The following METTL15 variants were observed in gnomAD, a reference collection of about 807,000 sequenced individuals.
The protein encoded by METTL15 is methyltransferase 15, mitochondrial 12S rRNA N4-cytidine.
Under a neutral mutation model 38.3 loss-of-function variants are expected in METTL15, and 34 were observed. The observed-to-expected ratio is 0.89, with a 90% confidence interval of 0.68 to 1.18. The LOEUF (loss-of-function observed/expected upper bound fraction) is 1.18, where lower values mean the gene tolerates loss of function less well. METTL15 is among the 50% of genes most tolerant of loss of function. The pLI, the probability that METTL15 is intolerant of heterozygous loss-of-function variation, is 0.00. For missense variants in METTL15, 438 were observed against 498.4 expected, an observed-to-expected ratio of 0.88 and a Z score of 1.15; for synonymous variants, 162 against 170.9, an observed-to-expected ratio of 0.95 and a Z score of 0.41.
At chr11:28,219,780 C>G (rs1217949068) in intron 4 of METTL15, among the ~76,000 whole-genome samples, 2 of 152,104 alleles carry the variant, frequency 1.3e-5, no homozygotes, top group African/African-American at 4.8e-5. Context: ...TCGTTGGTTT[C>G]AAAGAACATC....
At chr11:28,185,374 C>G (rs1216644349) in intron 3 of METTL15, among the ~76,000 whole-genome samples, 1 of 151,282 alleles carries the variant, frequency 6.6e-6, no homozygotes, top group Admixed American at 6.6e-5. Context: ...AAAGCTTGGG[C>G]AAATTGCTTG....
intron 5 of METTL15, among the ~76,000 whole-genome samples, chr11:28,421,392 A>G (rs989119960): frequency 1.3e-5 from 2 of 151,836 alleles, no homozygotes; most frequent in African/African-American, 4.8e-5. Context: ...CTACCAAAAC[A>G]AAAGACACAC....
intron 3 of METTL15, among the ~76,000 whole-genome samples, chr11:28,179,104 G>A (rs929633317): frequency 6.6e-6 from 1 of 151,764 alleles, no homozygotes; most frequent in Non-Finnish European, 1.5e-5. Context: ...ACACACCTGT[G>A]TGCACACATG....
intron 6 of METTL15, among the ~76,000 whole-genome samples, chr11:28,429,656 G>C (rs61890892): frequency 0.34 from 14,154 of 41,968 alleles, 2,158 homozygotes; most frequent in Admixed American, 0.44. Context: ...CGTTCACTCA[G>C]TGCTCAATGG....
intron 4 of METTL15, among the ~76,000 whole-genome samples, chr11:28,255,745 C>T (rs1854946281): frequency 6.6e-6 from 1 of 152,106 alleles, no homozygotes; most frequent in Non-Finnish European, 1.5e-5. Flanking sequence ...CTCTTGTTGC[C>T]CAGGCTGGAG....
chr11:28,279,249 A>ACATC (rs1359663390), intron 4 of METTL15, among the ~76,000 whole-genome samples: 1 of 152,104 alleles, frequency 6.6e-6, no homozygotes, highest in Non-Finnish European at 1.5e-5. Context: ...TATTTGCATG[A>ACATC]CATCTATTTC....
At chr11:28,373,842 A>G (rs1438225258) in intron 5 of METTL15, among the ~76,000 whole-genome samples, 3 of 152,108 alleles carry the variant, frequency 2.0e-5, no homozygotes, top group Admixed American at 1.3e-4. Context: ...CGATTTTTGT[A>G]TAAGGTGTAA....
intron 3 of METTL15, among the ~76,000 whole-genome samples, chr11:28,141,457 A>AGGATTG (rs1006896625): frequency 6.6e-6 from 1 of 152,130 alleles, no homozygotes; most frequent in Non-Finnish European, 1.5e-5. Flanking sequence ...CAGAGGCAGG[A>AGGATTG]GGATTGCTTA....
chr11:28,273,193 T>C (rs1855713558), intron 4 of METTL15, among the ~76,000 whole-genome samples: 1 of 152,136 alleles, frequency 6.6e-6, no homozygotes, highest in African/African-American at 2.4e-5. Context: ...ACCTGACACA[T>C]AGAAGTATTC....
intron 4 of METTL15, among the ~76,000 whole-genome samples, chr11:28,227,460 A>ATTGT (rs1853528031): frequency 6.6e-6 from 1 of 151,830 alleles, no homozygotes; most frequent in Non-Finnish European, 1.5e-5. Flanking sequence ...AAGATCAATG[A>ATTGT]TAGTTAGCTG....
chr11:28,111,426 C>T (rs1197539070), intron 2 of METTL15, among the ~76,000 whole-genome samples: 1 of 152,168 alleles, frequency 6.6e-6, no homozygotes, highest in Non-Finnish European at 1.5e-5. Flanking sequence ...ACGTTCATTA[C>T]TGGGAACCCC....
At chr11:28,417,977 C>A (rs1850787690) in intron 5 of METTL15, among the ~76,000 whole-genome samples, 1 of 152,108 alleles carries the variant, frequency 6.6e-6, no homozygotes, top group Non-Finnish European at 1.5e-5. Flanking sequence ...ATGACTCAAT[C>A]ATAAATTATT....
chr11:28,405,511 C>T (rs1850666033), intron 5 of METTL15, among the ~76,000 whole-genome samples: 1 of 151,084 alleles, frequency 6.6e-6, no homozygotes, highest in Non-Finnish European at 1.5e-5. Context: ...TTACTTAGTG[C>T]ACAGAAGTTT....
intron 6 of METTL15, among the ~76,000 whole-genome samples, chr11:28,324,364 T>C (rs2134052491): frequency 6.6e-6 from 1 of 152,202 alleles, no homozygotes; most frequent in East Asian, 1.9e-4. Flanking sequence ...GCAAAAGAAA[T>C]ATGCAAAACC....
intron 5 of METTL15, among the ~76,000 whole-genome samples, chr11:28,293,585 C>T (rs942659719): frequency 3.9e-5 from 6 of 152,020 alleles, no homozygotes; most frequent in African/African-American, 1.4e-4. Flanking sequence ...TTTTCCAATT[C>T]TGTGAAGAAA....
At chr11:28,485,213 A>T (rs1377743076) in intron 6 of METTL15, among the ~76,000 whole-genome samples, 1 of 150,826 alleles carries the variant, frequency 6.6e-6, no homozygotes, top group Non-Finnish European at 1.5e-5. Context: ...AGTAAGACTA[A>T]CTGTGTCTAA....
chr11:28,214,091 G>A (rs1852762540), intron 4 of METTL15, among the ~76,000 whole-genome samples: 2 of 152,092 alleles, frequency 1.3e-5, no homozygotes, highest in African/African-American at 4.8e-5. Context: ...TGCCCAGGCT[G>A]GAGTGCAGTG....
chr11:28,423,158 T>G (rs540580876), intron 5 of METTL15, among the ~76,000 whole-genome samples: 2 of 152,116 alleles, frequency 1.3e-5, no homozygotes, highest in South Asian at 4.1e-4. Flanking sequence ...TCAATTCATC[T>G]CAGTTAAAAT....
intron 4 of METTL15, among the ~76,000 whole-genome samples, chr11:28,262,354 A>G (rs936171107): frequency 6.6e-6 from 1 of 151,020 alleles, no homozygotes; most frequent in Non-Finnish European, 1.5e-5. Flanking sequence ...TACACTATAT[A>G]ACTACAGAGA....
Sources: allele counts gnomAD v4.1 joint callset (sites outside exome capture counted in the v4.1 genomes callset), GRCh38; gene constraint gnomAD v4.1.1; transcripts MANE v1.5; gene names NCBI Gene and HGNC (gene_info 2026-07-23, HGNC 2026-07-21).